The following TENM1 variants were observed in gnomAD, a reference collection of about 807,000 sequenced individuals.
TENM1 encodes the protein teneurin transmembrane protein 1.
Under a neutral mutation model 174.8 loss-of-function variants are expected in TENM1, and 35 were observed. The ratio of observed to expected loss-of-function variants is 0.20; its 90% CI spans 0.15 to 0.27. The LOEUF (loss-of-function observed/expected upper bound fraction) is 0.27. TENM1 is among the 10% of genes least tolerant of loss of function. TENM1 has a pLI of 1.00. For missense variants in TENM1, 1,633 were observed against 2,130.1 expected (o/e 0.77, Z 4.59); for synonymous variants, 781 against 798.7 (o/e 0.98, Z 0.37).
chrX:124,789,634 A>G (rs764102020), intron 3 of TENM1, among the ~76,000 whole-genome samples: 1 of 111,534 alleles, frequency 9.0e-6, no homozygotes, highest in East Asian at 2.8e-4. Context: ...TCTCTTTGCT[A>G]AAACATAACG....
chrX:124,755,555 C>T (rs1269003059), intron 3 of TENM1, among the ~76,000 whole-genome samples: 17 of 110,999 alleles, frequency 1.5e-4, no homozygotes, highest in African/African-American at 5.3e-4. Context: ...TGATTTTGCT[C>T]GTTAGTTGAT....
At chrX:124,726,135 T>G (rs1213178323) in intron 4 of TENM1, among the ~76,000 whole-genome samples, 1 of 112,699 alleles carries the variant, frequency 8.9e-6, no homozygotes, top group Non-Finnish European at 1.9e-5. Context: ...TAAAACATTT[T>G]TAGATTCACA....
chrX:124,970,908 TG>T, the TENM1 span, among the ~76,000 whole-genome samples: 1 of 109,938 alleles, frequency 9.1e-6, no homozygotes, highest in African/African-American at 3.3e-5. Context: ...AATGATACAC[TG>T]GATTAAGAAA....
At chrX:124,503,842 C>T (rs993427794) in intron 18 of TENM1, 139 bp from the exon 22 acceptor site, 15 of 550,125 alleles carry the variant, frequency 2.7e-5, no homozygotes, top group Non-Finnish European at 4.4e-5. Context: ...ATTTCTTTCA[C>T]CTAGCACAGT....
intron 1 of TENM1, among the ~76,000 whole-genome samples, chrX:124,937,947 G>A (rs16998146): frequency 0.066 from 7,320 of 110,811 alleles, 546 homozygotes; most frequent in African/African-American, 0.22. Context: ...TATTGCTTGC[G>A]TTGAAGATTG....
intron 3 of TENM1, among the ~76,000 whole-genome samples, chrX:124,797,474 T>A (rs1365649260): frequency 1.8e-5 from 2 of 111,348 alleles, no homozygotes; most frequent in Admixed American, 1.9e-4. Flanking sequence ...AATACTGGAA[T>A]TCAAGAACTT....
At chrX:124,645,643 T>A (rs1390088002) in intron 9 of TENM1, among the ~76,000 whole-genome samples, 1 of 112,119 alleles carries the variant, frequency 8.9e-6, no homozygotes, top group African/African-American at 3.2e-5. Flanking sequence ...TTTTTCTTCC[T>A]CAGGGAGATA....
the TENM1 span, among the ~76,000 whole-genome samples, chrX:124,979,338 T>C: frequency 1.8e-5 from 2 of 112,162 alleles, no homozygotes; most frequent in African/African-American, 3.2e-5. Context: ...AAGGTCATTG[T>C]AGATTATCTC....
At chrX:124,576,392 G>C (rs1043538352) in intron 11 of TENM1, among the ~76,000 whole-genome samples, 4 of 110,652 alleles carry the variant, frequency 3.6e-5, no homozygotes, top group African/African-American at 1.3e-4. Flanking sequence ...CTCATGATCT[G>C]TCATGAGTGG....
At position 124,520,784 on chromosome X, in the gene TENM1, CCTG is replaced by C. The variant is rs1432105140; in HGVS notation, c.3034-3_3034-1del. On this transcript the variant is annotated splice_acceptor_variant and splice_polypyrimidine_tract_variant and intron_variant, in intron 17 of 31. Transcript: ENST00000422452. LOFTEE classifies it high-confidence loss of function. ...GGAATGGGAATTTCCTCCTGTACAACCTGAAATAAAAAAAAAAAAAAAAAGCCA... is the reference window on the plus strand; with the variant it reads ...GGAATGGGAATTTCCTCCTGTACAACAAATAAAAAAAAAAAAAAAAAGCCA... 1 of 1,111,429 alleles carries C rather than the reference CCTG, an allele frequency of 9.0e-7. No individual in the cohort carries two copies. Among genetic ancestry groups the C allele is most frequent in the Non-Finnish European group, 1.2e-6 (1 of 853,690 alleles). The allele number at this position is 1,111,429 out of a possible 1,213,427, so 91.6% of individuals were successfully genotyped here.
chrX:124,466,899 T>C (rs2061246857), intron 22 of TENM1, among the ~76,000 whole-genome samples: 1 of 111,783 alleles, frequency 8.9e-6, no homozygotes, highest in Admixed American at 9.6e-5. Context: ...TAGCAGAATC[T>C]ATTCTGATGG....
Position 124,527,857 on chromosome X carries a change from C to A in TENM1, c.2771+2007G>T, listed in dbSNP as rs1185999659. ...ATTTTTAGTAGAGACGGGGTTTCACCGTGTTAGCCAGGACAGTCTCGATCT... is the reference window on the plus strand; with the variant it reads ...ATTTTTAGTAGAGACGGGGTTTCACAGTGTTAGCCAGGACAGTCTCGATCT... On this transcript the variant is annotated intron_variant, in intron 16 of 31. Transcript: ENST00000422452. Among the ~76,000 whole-genome samples the A allele has an allele frequency of 2.9e-5, 3 of 102,763 alleles. No individual in the cohort carries two copies. In the East Asian group the frequency reaches 9.2e-4, roughly 31 times the overall value. 89.2% of individuals were successfully genotyped at this position (102,763 alleles called of 115,157 possible).
chrX:124,502,611 A>C (rs750899142), intron 19 of TENM1, among the ~76,000 whole-genome samples: 1 of 414 alleles, frequency 2.4e-3, no homozygotes, highest in East Asian at 0.091. Flanking sequence ...TTTCCTTTTG[A>C]CAACAGAAAA....
At chrX:124,524,415 T>C (rs2047927150) in intron 16 of TENM1, among the ~76,000 whole-genome samples, 1 of 112,139 alleles carries the variant, frequency 8.9e-6, no homozygotes, top group South Asian at 3.7e-4. Context: ...AAACATCGTG[T>C]CAGAAAGCAG....
At chrX:124,505,696 A>C (rs888319375) in intron 18 of TENM1, among the ~76,000 whole-genome samples, 1 of 111,355 alleles carries the variant, frequency 9.0e-6, no homozygotes, top group Non-Finnish European at 1.9e-5. Flanking sequence ...TGGGTCAGGG[A>C]GCACTTTGTT....
chrX:124,400,409 C>T (rs1207808993), intron 27 of TENM1, among the ~76,000 whole-genome samples: 1 of 112,030 alleles, frequency 8.9e-6, no homozygotes, highest in Non-Finnish European at 1.9e-5. Context: ...TCTCAGCTCA[C>T]ATCTGAACAC....
chrX:125,007,943 A>G, the TENM1 span, among the ~76,000 whole-genome samples: 1 of 111,833 alleles, frequency 8.9e-6, no homozygotes, highest in Non-Finnish European at 1.9e-5. Flanking sequence ...AAATATAAAG[A>G]CCAATGATGT....
the TENM1 span, among the ~76,000 whole-genome samples, chrX:124,992,372 A>AAGGCCTCAGAAGC: frequency 9.0e-6 from 1 of 110,732 alleles, no homozygotes; most frequent in African/African-American, 3.3e-5. Context: ...CCCCAAAATG[A>AAGGCCTCAGAAGC]AGGCCTCAGA....
exon 28 of TENM1, chrX:124,392,057 C>T (rs2060287534): frequency 8.4e-7 from 1 of 1,192,831 alleles, no homozygotes; most frequent in Middle Eastern, 2.4e-4. Context: ...CTTACTTTTT[C>T]TAAGTAGGTA....
Sources: allele counts gnomAD v4.1 joint callset (sites outside exome capture counted in the v4.1 genomes callset), GRCh38; gene constraint gnomAD v4.1.1; transcripts MANE v1.5; gene names NCBI Gene and HGNC (gene_info 2026-07-23, HGNC 2026-07-21).